LRMDA: variants seen among roughly 807,000 people sequenced by gnomAD.
The protein encoded by LRMDA is leucine rich melanocyte differentiation associated, also known as leucine-rich melanocyte differentiation-associated protein.
A neutral mutation model predicts 29.8 loss-of-function variants in LRMDA; 18 were observed. The ratio of observed to expected loss-of-function variants is 0.60; its 90% CI spans 0.42 to 0.90. The LOEUF (loss-of-function observed/expected upper bound fraction) is 0.90, where lower values mean the gene tolerates loss of function less well. LRMDA is among the 40% of genes least tolerant of loss of function. LRMDA has a pLI of 0.00. For missense variants in LRMDA, 273 were observed against 273.9 expected (o/e 1.00, Z 0.02); for synonymous variants, 125 against 109.4 (o/e 1.14, Z -0.89).
intron 6 of LRMDA, among the ~76,000 whole-genome samples, chr10:76,475,052 T>C (rs1277878593): frequency 6.6e-6 from 1 of 151,758 alleles, no homozygotes; most frequent in Non-Finnish European, 1.5e-5. Flanking sequence ...TACTGATATA[T>C]GCTACAATGT....
intron 2 of LRMDA, among the ~76,000 whole-genome samples, chr10:75,774,868 T>G (rs1323587947): frequency 6.6e-6 from 1 of 152,234 alleles, no homozygotes; most frequent in Non-Finnish European, 1.5e-5. Flanking sequence ...TAAGCAGGGA[T>G]GAAAGCTCTC....
intron 5 of LRMDA, among the ~76,000 whole-genome samples, chr10:76,315,592 G>A (rs780892754): frequency 1.0e-4 from 13 of 129,588 alleles, no homozygotes; most frequent in Non-Finnish European, 1.8e-4. Flanking sequence ...CAGACTTTGG[G>A]CGTCAGTGAG....
Position 75,644,238 on chromosome 10 carries a change from G to A in LRMDA, c.131+205744G>A, listed in dbSNP as rs939626831. On this transcript the variant is annotated intron_variant, in intron 2 of 6. Coordinates refer to ENST00000611255, the MANE Select transcript of LRMDA (RefSeq NM_001305581.2). ...AATCATCACCTTTGGCAGTGGCACC[G>A]TTCTGATACCAGATACAAGGTTTGA... 5.3e-5 allele frequency among the ~76,000 whole-genome samples: 8 copies of A among 152,118 alleles called. No homozygotes were observed. The South Asian group carries it at 1.0e-3, about 20-fold the overall frequency.
chr10:76,383,115 G>C (rs1841612944), intron 6 of LRMDA, among the ~76,000 whole-genome samples: 1 of 152,146 alleles, frequency 6.6e-6, no homozygotes, highest in Non-Finnish European at 1.5e-5. Flanking sequence ...TGGAATCTTG[G>C]GGTCTAATCT....
chr10:75,561,445 C>A (rs540725056), intron 2 of LRMDA, among the ~76,000 whole-genome samples: 48 of 152,034 alleles, frequency 3.2e-4, no homozygotes, highest in African/African-American at 1.2e-3. Flanking sequence ...GTCTTGCTAG[C>A]GGTCTGTCAA....
chr10:75,581,332 T>C (rs1413487175), intron 2 of LRMDA, among the ~76,000 whole-genome samples: 2 of 152,196 alleles, frequency 1.3e-5, no homozygotes, highest in African/African-American at 4.8e-5. Context: ...TCATCAATTG[T>C]CATTAGGTAA....
Position 76,479,943 on chromosome 10 carries a change from G to A in LRMDA, c.602-77266G>A, listed in dbSNP as rs552450540. Among the ~76,000 whole-genome samples the A allele has an allele frequency of 1.8e-3, 268 of 151,962 alleles. 3 individuals carry two copies. Among genetic ancestry groups the A allele is most frequent in the Non-Finnish European group, 2.2e-4 (15 of 67,904 alleles). On this transcript the variant is annotated intron_variant, in intron 6 of 6. Coordinates refer to ENST00000611255, the MANE Select transcript of LRMDA (RefSeq NM_001305581.2). The stretch of plus-strand genomic sequence containing the variant: ...TTGTTAAGAAATTGCCAACTCAGTA[G>A]GCTCTGTGGCAAAAACAATTATGAT...
At position 76,498,068 on chromosome 10, in the gene LRMDA, C is replaced by T. The variant is rs1362756144; in HGVS notation, c.602-59141C>T. On this transcript the variant is annotated intron_variant, in intron 6 of 6. Transcript: ENST00000611255. ...ATCCTCTTCCCAAATATTGGAGCTT[C>T]CTGTTGAAGAGACCTTTATGGACAT... 4.0e-5 allele frequency among the ~76,000 whole-genome samples: 3 copies of T among 75,596 alleles called. 1 individual carries two copies. Among genetic ancestry groups the T allele is most frequent in the African/African-American group, 9.7e-5 (3 of 31,034 alleles). The allele number at this position is 75,596 out of a possible 152,430, so 49.6% of individuals were successfully genotyped here. A position where few individuals can be genotyped will look rare whatever the true frequency, so the allele number is the denominator to read the frequency against.
At chr10:76,074,032 T>C (rs1001851925) in intron 5 of LRMDA, among the ~76,000 whole-genome samples, 1 of 152,160 alleles carries the variant, frequency 6.6e-6, no homozygotes, top group Admixed American at 6.5e-5. Flanking sequence ...ATGTTATTGT[T>C]CTCAATAGCC....
At position 75,890,678 on chromosome 10, in the gene LRMDA, G is replaced by A. The variant is rs192387258; in HGVS notation, c.132-145330G>A. On this transcript the variant is annotated intron_variant, in intron 2 of 6. Coordinates refer to ENST00000611255, the MANE Select transcript of LRMDA (RefSeq NM_001305581.2). ...ATGCTTTACAAAATGCAACAAGATT[G>A]ACTTGGTACACAGAGGTAGAAGCTT... Among the ~76,000 whole-genome samples the A allele has an allele frequency of 2.6e-5, 4 of 152,324 alleles. No homozygotes were observed. In the East Asian group the frequency reaches 7.7e-4, roughly 29 times the overall value.
chr10:75,919,170 G>A (rs2132386907), intron 2 of LRMDA, among the ~76,000 whole-genome samples: 1 of 152,272 alleles, frequency 6.6e-6, no homozygotes, highest in East Asian at 1.9e-4. Flanking sequence ...GACAAAGCCG[G>A]GATGCGAAGC....
chr10:75,561,937 A>T (rs1473453833), intron 2 of LRMDA, among the ~76,000 whole-genome samples: 1 of 151,810 alleles, frequency 6.6e-6, no homozygotes, highest in Non-Finnish European at 1.5e-5. Flanking sequence ...TGGTGAGGAG[A>T]GCTTTACTTC....
intron 6 of LRMDA, among the ~76,000 whole-genome samples, chr10:76,420,668 A>G (rs977042347): frequency 1.3e-5 from 2 of 152,032 alleles, no homozygotes; most frequent in Admixed American, 1.3e-4. Flanking sequence ...TTATTGATAT[A>G]TATGTCTCTA....
chr10:75,873,052 T>G (rs1156494704), intron 2 of LRMDA, among the ~76,000 whole-genome samples: 1 of 152,160 alleles, frequency 6.6e-6, no homozygotes, highest in Non-Finnish European at 1.5e-5. Context: ...TCACCTTAAC[T>G]GGTGCCCCTG....
chr10:75,805,794 C>T (rs1052531045), intron 2 of LRMDA, among the ~76,000 whole-genome samples: 1 of 152,042 alleles, frequency 6.6e-6, no homozygotes, highest in Non-Finnish European at 1.5e-5. Flanking sequence ...CTTGAGTTCC[C>T]GTTTTCATCA....
intron 3 of LRMDA, among the ~76,000 whole-genome samples, chr10:76,046,793 A>G (rs972759684): frequency 9.9e-5 from 15 of 152,212 alleles, no homozygotes; most frequent in African/African-American, 3.1e-4. Context: ...CCTTGTTTTC[A>G]TTACTAGAAA....
At chr10:75,674,828 A>G (rs1403873871) in intron 2 of LRMDA, among the ~76,000 whole-genome samples, 1 of 151,962 alleles carries the variant, frequency 6.6e-6, no homozygotes, top group African/African-American at 2.4e-5. Context: ...TCTGTAGGGG[A>G]TCAGCTGGAG....
At chr10:76,496,021 G>T in intron 6 of LRMDA, among the ~76,000 whole-genome samples, 1 of 72,096 alleles carries the variant, frequency 1.4e-5, no homozygotes, top group African/African-American at 3.4e-5. Flanking sequence ...TTAACATATT[G>T]CCTTTCAAGA....
At chr10:76,261,165 C>T (rs967901031) in intron 5 of LRMDA, among the ~76,000 whole-genome samples, 2 of 147,276 alleles carry the variant, frequency 1.4e-5, no homozygotes, top group African/African-American at 2.5e-5. Context: ...CCTGGGTTCA[C>T]GCCATTCTCC....
Sources: allele counts gnomAD v4.1 joint callset (sites outside exome capture counted in the v4.1 genomes callset), GRCh38; gene constraint gnomAD v4.1.1; transcripts MANE v1.5; gene names NCBI Gene and HGNC (gene_info 2026-07-23, HGNC 2026-07-21).